TMEM123: variants seen among roughly 807,000 people sequenced by gnomAD.
TMEM123 encodes porimin.
TMEM123 carries 16 observed loss-of-function variants against 19.7 expected under a neutral mutation model. The observed-to-expected ratio is 0.81, with a 90% CI of 0.55 to 1.23. The LOEUF (loss-of-function observed/expected upper bound fraction) is 1.23, where lower values mean the gene tolerates loss of function less well. TMEM123 is among the 50% of genes most tolerant of loss of function. The pLI, the probability that TMEM123 is intolerant of heterozygous loss-of-function variation, is 0.00. For missense variants in TMEM123, 313 were observed against 257.8 expected (o/e 1.21, Z -1.47); for synonymous variants, 118 against 99.4 (o/e 1.19, Z -1.12).
At chr11:102,429,386 T>G (rs1335180762) in intron 2 of TMEM123, among the ~76,000 whole-genome samples, 1 of 152,176 alleles carries the variant, frequency 6.6e-6, no homozygotes, top group Non-Finnish European at 1.5e-5. Flanking sequence ...GTTTTTTTCC[T>G]CCTTTACAAC....
Position 102,452,609 on chromosome 11 carries a change from C to G in TMEM123, c.15G>C (p.Ala5=). 2 of 1,556,354 alleles carry G rather than the reference C, an allele frequency of 1.3e-6. No homozygotes were observed. Among genetic ancestry groups the G allele is most frequent in the African/African-American group, 1.4e-5 (1 of 72,566 alleles). Residue 5 remains alanine (A), a synonymous_variant, in exon 1 of 5, where the codon GCG becomes GCC. Transcript: ENST00000398136. ...GGAGCAGCGCGGCCCAAGCACCTCG[C>G]GCGCCGAGTCCCATTGTTCCGAGGG... is the stretch of plus-strand genomic sequence containing the variant. The part of the protein sequence containing the change: MGLG[A]RGAWAALLLG...
At chr11:102,446,189 A>G (rs1213754456) in intron 2 of TMEM123, among the ~76,000 whole-genome samples, 1 of 152,222 alleles carries the variant, frequency 6.6e-6, no homozygotes, top group Non-Finnish European at 1.5e-5. Context: ...ATTATGAAAA[A>G]TAATCTGGGC....
chr11:102,398,827 C>G lies in TMEM123; in HGVS notation c.*40G>C. The G allele has an allele frequency of 6.2e-7, 1 of 1,601,126 alleles. No individual in the cohort carries two copies. ...AATAAACCAAAATTAATTGATAGGG[C>G]AGCATCAATCTGTATTCCATCCTTG... On this transcript the variant is annotated 3_prime_UTR_variant, in exon 5 of 5. Transcript: ENST00000398136.
intron 2 of TMEM123, among the ~76,000 whole-genome samples, chr11:102,415,214 TTAAGA>T (rs1301208217): frequency 2.0e-5 from 3 of 152,224 alleles, no homozygotes; most frequent in Non-Finnish European, 4.4e-5. Flanking sequence ...CTATAGACTC[TTAAGA>T]TAACCACACA....
At chr11:102,399,235 G>C (rs1025368781) in intron 4 of TMEM123, among the ~76,000 whole-genome samples, 1 of 152,198 alleles carries the variant, frequency 6.6e-6, no homozygotes, top group Non-Finnish European at 1.5e-5. Context: ...CTTGAGCCCA[G>C]GAGTTTGAGA....
chr11:102,429,974 G>A (rs1333152094), intron 2 of TMEM123, among the ~76,000 whole-genome samples: 1 of 152,220 alleles, frequency 6.6e-6, no homozygotes. Flanking sequence ...AGGAAGACTG[G>A]TGGCAAGCAT....
At chr11:102,451,274 T>C (rs1419886374) in intron 1 of TMEM123, 3 of 152,230 alleles carry the variant, frequency 2.0e-5, no homozygotes, top group Non-Finnish European at 4.4e-5. Context: ...TTTTTAAAAA[T>C]GGAGACCTCA....
Position 102,435,492 on chromosome 11 carries a change from T to G in TMEM123, c.157+13320A>C, listed in dbSNP as rs901333000. On this transcript the variant is annotated intron_variant, in intron 2 of 4. Coordinates refer to ENST00000398136, the MANE Select transcript of TMEM123 (RefSeq NM_052932.3). ...AACCCTTATACACTGCTGGTGTGTA[T>G]CTAAAATGGTGTAGCTACTTTGGAA... is the stretch of plus-strand genomic sequence containing the variant. 7.4e-4 allele frequency among the ~76,000 whole-genome samples: 112 copies of G among 151,844 alleles called. 3 individuals carry two copies. The highest frequency in any genetic ancestry group is 7.3e-3 in the Admixed American group (111 of 15,200).
chr11:102,429,204 A>C (rs939722560), intron 2 of TMEM123, among the ~76,000 whole-genome samples: 5 of 152,042 alleles, frequency 3.3e-5, no homozygotes, highest in Non-Finnish European at 7.3e-5. Flanking sequence ...AGGTTTTGTG[A>C]ATGTTGGACA....
At chr11:102,419,852 T>C (rs1179182781) in intron 2 of TMEM123, among the ~76,000 whole-genome samples, 1 of 152,226 alleles carries the variant, frequency 6.6e-6, no homozygotes, top group African/African-American at 2.4e-5. Flanking sequence ...CTTCAACATT[T>C]CTCCCATGCT....
intron 2 of TMEM123, among the ~76,000 whole-genome samples, chr11:102,421,474 T>A (rs894436224): frequency 3.3e-5 from 5 of 151,806 alleles, no homozygotes; most frequent in Non-Finnish European, 7.3e-5. Flanking sequence ...AAGAATTTGG[T>A]CATTAACAAG....
At chr11:102,436,890 C>A (rs1857768516) in intron 2 of TMEM123, among the ~76,000 whole-genome samples, 3 of 152,208 alleles carry the variant, frequency 2.0e-5, no homozygotes, top group South Asian at 4.1e-4. Flanking sequence ...AGAATTTAGA[C>A]TGAACCCACT....
intron 2 of TMEM123, among the ~76,000 whole-genome samples, chr11:102,409,866 A>C (rs1218636228): frequency 6.6e-6 from 1 of 151,144 alleles, no homozygotes; most frequent in African/African-American, 2.5e-5. Flanking sequence ...CTCCGTCACA[A>C]ACAAACAAAC....
At chr11:102,399,820 A>C (rs1340201189) in intron 4 of TMEM123, among the ~76,000 whole-genome samples, 1 of 152,162 alleles carries the variant, frequency 6.6e-6, no homozygotes. Flanking sequence ...AAATACAAAA[A>C]TTAGCTGGGC....
chr11:102,443,389 C>A (rs1565356645), intron 2 of TMEM123, among the ~76,000 whole-genome samples: 1 of 152,124 alleles, frequency 6.6e-6, no homozygotes. Flanking sequence ...AGAAATAATA[C>A]CACACTTCTA....
chr11:102,438,372 C>A (rs1857787674), intron 2 of TMEM123, among the ~76,000 whole-genome samples: 1 of 152,068 alleles, frequency 6.6e-6, no homozygotes, highest in Non-Finnish European at 1.5e-5. Context: ...TAATCACAAC[C>A]CAAAATCATC....
intron 2 of TMEM123, among the ~76,000 whole-genome samples, chr11:102,415,582 A>C (rs1467306612): frequency 6.6e-6 from 1 of 152,242 alleles, no homozygotes; most frequent in Admixed American, 6.5e-5. Flanking sequence ...ACTTTGGGGT[A>C]AACAATGAAA....
intron 2 of TMEM123, among the ~76,000 whole-genome samples, chr11:102,428,552 C>G (rs1952148546): frequency 6.6e-6 from 1 of 151,714 alleles, no homozygotes; most frequent in Admixed American, 6.6e-5. Context: ...GGTGATCCAC[C>G]CAGCTTGGCC....
chr11:102,448,965 G>A, intron 1 of TMEM123, 97 bp from the exon 2 acceptor site: 1 of 1,171,312 alleles, frequency 8.5e-7, no homozygotes, highest in Non-Finnish European at 1.3e-6. Flanking sequence ...GGGTAGTGGT[G>A]TCAGGAGGGT....
Sources: allele counts gnomAD v4.1 joint callset (sites outside exome capture counted in the v4.1 genomes callset), GRCh38; gene constraint gnomAD v4.1.1; transcripts MANE v1.5; gene names NCBI Gene and HGNC (gene_info 2026-07-23, HGNC 2026-07-21).